The following RAB41 variants were observed in gnomAD, a reference collection of about 807,000 sequenced individuals.
RAB41 encodes the protein ras-related protein Rab-41.
Under a neutral mutation model 19.0 loss-of-function variants are expected in RAB41, and 15 were observed. That is an observed-to-expected ratio of 0.79 (90% confidence interval 0.53 to 1.21). The LOEUF (loss-of-function observed/expected upper bound fraction) is 1.21. Among genes scored for constraint, RAB41 ranks in the 50% most tolerant of loss-of-function variants. The probability of loss-of-function intolerance (pLI) is 0.00; values close to 1 mark genes in which losing one functional copy is unlikely to be tolerated. For missense variants in RAB41, 177 were observed against 179.7 expected (o/e 0.99, Z 0.09); for synonymous variants, 73 against 64.7 (o/e 1.13, Z -0.62).
rs778378009 is a variant in RAB41 at position 70,284,310 on chromosome X, A to C, written c.594A>C (p.Ser198=). 2 of 1,203,358 alleles carry C rather than the reference A, an allele frequency of 1.7e-6. No homozygotes were observed. Among genetic ancestry groups the C allele is most frequent in the Non-Finnish European group, 2.2e-6 (2 of 893,128 alleles). Residue 198 remains serine (S), a synonymous_variant, in exon 7 of 8, where the codon TCA becomes TCC. Coordinates refer to ENST00000374473, the MANE Select transcript of RAB41 (RefSeq NM_001363807.1). ...VASALLSTRT[S]PPPKEGTVEI... Reference sequence around the variant, plus strand: ...CTGCCCTTCTTTCCACAAGGACTTCACCTCCACCAAAAGAGGGGAGTATCC... The same window carrying C: ...CTGCCCTTCTTTCCACAAGGACTTCCCCTCCACCAAAAGAGGGGAGTATCC...
chrX:70,284,406 T>C (rs1390508822), intron 7 of RAB41, 77 bp downstream of exon 7: 2 of 1,077,299 alleles, frequency 1.9e-6, no homozygotes, highest in African/African-American at 1.8e-5. Flanking sequence ...AGTTGATGCC[T>C]GAGTGGTACC....
Position 70,284,612 on chromosome X carries a change from T to C in RAB41, c.638T>C (p.Phe213Ser). Residue 213 changes from phenylalanine to serine, a missense_variant, in exon 8 of 8, where the codon TTC becomes TCC. Phe to Ser is a radical substitution (Grantham distance 155). Coordinates refer to ENST00000374473, the MANE Select transcript of RAB41 (RefSeq NM_001363807.1). ...EGTVEIELES[F>S]EESGNRSYC ...GCGGTTGAAATCGAACTGGAATCCTTCGAGGAGTCAGGCAACAGAAGCTAT... is the reference window on the plus strand; with the variant it reads ...GCGGTTGAAATCGAACTGGAATCCTCCGAGGAGTCAGGCAACAGAAGCTAT... 8.3e-7 allele frequency: 1 copy of C among 1,209,917 alleles called. No homozygotes were observed. The highest frequency in any genetic ancestry group is 1.1e-6 in the Non-Finnish European group (1 of 893,896).
chrX:70,284,701 C>A lies in RAB41; in HGVS notation c.*58C>A. 1 of 949,074 alleles carries A rather than the reference C, an allele frequency of 1.1e-6. No individual in the cohort carries two copies. The highest frequency in any genetic ancestry group is 1.5e-6 in the Non-Finnish European group (1 of 657,399). 78.2% of individuals were successfully genotyped at this position (949,074 alleles called of 1,213,427 possible). ...TTTCTTACATTTGGGCTTGCCATACCAGTTCTCCTCCCCACCTCGTTTTAT... is the reference window on the plus strand; with the variant it reads ...TTTCTTACATTTGGGCTTGCCATACAAGTTCTCCTCCCCACCTCGTTTTAT... On this transcript the variant is annotated 3_prime_UTR_variant, in exon 8 of 8. Coordinates refer to ENST00000374473, the MANE Select transcript of RAB41 (RefSeq NM_001363807.1).
At position 70,283,335 on chromosome X, in the gene RAB41, G is replaced by A. The variant is rs192757082; in HGVS notation, c.305G>A (p.Arg102His). The change falls in exon 4 of 8, where the codon CGT becomes CAT. Residue 102 changes from arginine (R) to histidine (H), a missense_variant. By Grantham distance (29) the Arg-to-His change is conservative (BLOSUM62 0). Coordinates refer to ENST00000374473, the MANE Select transcript of RAB41 (RefSeq NM_001363807.1). Reference sequence around the variant, plus strand: ...CACAGCCTAATTCCTAGCTACATTCGTGATTCAACTATTGCAGTGGTTGTC... The same window carrying A: ...CACAGCCTAATTCCTAGCTACATTCATGATTCAACTATTGCAGTGGTTGTC... Reference protein sequence around the residue: ...RFHSLIPSYIRDSTIAVVVYD... With the variant: ...RFHSLIPSYIHDSTIAVVVYD... The A allele has an allele frequency of 1.4e-5, 17 of 1,208,487 alleles. No homozygotes were observed. The highest frequency in any genetic ancestry group is 2.3e-4 in the Middle Eastern group (1 of 4,349).
At chrX:70,284,180 AG>A (rs1253002822) in intron 6 of RAB41, 85 bp from the exon 7 acceptor site, 3 of 1,078,652 alleles carry the variant, frequency 2.8e-6, no homozygotes, top group African/African-American at 3.8e-5. Context: ...TGTATCTCAA[AG>A]GCCCTGAATT....
At position 70,283,968 on chromosome X, in the gene RAB41, G is replaced by A; in HGVS notation, c.474G>A (p.Gln158=). 8.3e-7 allele frequency: 1 copy of A among 1,206,388 alleles called. No individual in the cohort carries two copies. Among genetic ancestry groups the A allele is most frequent in the Non-Finnish European group, 1.1e-6 (1 of 890,694 alleles). ...LDNKRQVTAE[Q]GEEKSRNLNV... ...CGTCCAGACAAGTCACTGCAGAACA[G>A]GGTGAAGAAAAATCCAGAAACCTCA... Residue 158 remains glutamine (Q), a synonymous_variant, in exon 6 of 8, where the codon CAG becomes CAA. Transcript: ENST00000374473.
chrX:70,283,241 A>G (rs1272862968), intron 3 of RAB41, 27 bp from the exon 4 acceptor site: 14 of 1,161,464 alleles, frequency 1.2e-5, no homozygotes, highest in Non-Finnish European at 1.6e-5. Flanking sequence ...CCTTTCCCCC[A>G]TCTTCTTCCT....
chrX:70,284,882 A>G lies in RAB41; in HGVS notation c.*239A>G, dbSNP rs2085709986. ...TCTACCTTACCTTCTCCGACAGCTAAAAGACATCTGTAGAGAATACAGTTC... is the reference window on the plus strand; with the variant it reads ...TCTACCTTACCTTCTCCGACAGCTAGAAGACATCTGTAGAGAATACAGTTC... On this transcript the variant is annotated 3_prime_UTR_variant, in exon 8 of 8. Transcript: ENST00000374473. 1 of 417,783 alleles carries G rather than the reference A, an allele frequency of 2.4e-6. No homozygotes were observed. 34.4% of individuals were successfully genotyped at this position (417,783 alleles called of 1,213,427 possible).
chrX:70,282,210 C>T lies in RAB41; in HGVS notation c.-8C>T, dbSNP rs2085690310. 1.7e-6 allele frequency: 2 copies of T among 1,211,957 alleles called. No homozygotes were observed. The highest frequency in any genetic ancestry group is 5.9e-5 in the East Asian group (2 of 33,842). On this transcript the variant is annotated 5_prime_UTR_variant, in exon 1 of 8. Transcript: ENST00000374473. ...GGAAGCCATTTTGGCTGCAACCTAC[C>T]TGAAGCGATGTCTGCCTTTGGTCAC... is the stretch of plus-strand genomic sequence containing the variant.
chrX:70,282,848 A>C lies in RAB41; in HGVS notation c.230A>C (p.Asp77Ala). 8.3e-7 allele frequency: 1 copy of C among 1,204,505 alleles called. No homozygotes were observed. The highest frequency in any genetic ancestry group is 1.8e-5 in the South Asian group (1 of 56,798). ...TTGTCTAAGACCATGTACTTGGAGG[A>C]CCAAATAGTGAGTGTTAACTCTCAT... ...DFLSKTMYLE[D>A]QIVQLQLWDT... is the part of the protein sequence containing the mutation. Residue 77 changes from aspartate to alanine, a missense_variant, in exon 3 of 8, where the codon GAC becomes GCC. By Grantham distance (126) the Asp-to-Ala change is moderately radical (BLOSUM62 -2). Transcript: ENST00000374473.
chrX:70,282,592 G>GTA lies in RAB41; in HGVS notation c.183+2_183+3dup, dbSNP rs2085694189. ...CAACAGCTTCGGCTGCGCCTGCCAGGTAAGACCACCACCGAGTCATATGGT... is the reference window on the plus strand; with the variant it reads ...CAACAGCTTCGGCTGCGCCTGCCAGGTATAAGACCACCACCGAGTCATATGGT... On this transcript the variant is annotated splice_donor_variant, in intron 2 of 7. Coordinates refer to ENST00000374473, the MANE Select transcript of RAB41 (RefSeq NM_001363807.1). LOFTEE classifies it high-confidence loss of function. 8.3e-7 allele frequency: 1 copy of GTA among 1,204,898 alleles called. No homozygotes were observed. Among genetic ancestry groups the GTA allele is most frequent in the Admixed American group, 2.2e-5 (1 of 45,695 alleles).
Position 70,284,330 on chromosome X carries a change from G to A in RAB41, c.613+1G>A. 8.3e-7 allele frequency: 1 copy of A among 1,207,608 alleles called. No homozygotes were observed. ...ACTTCACCTCCACCAAAAGAGGGGAGTATCCTTTTTCCTAGCTTTGCTGGG... is the reference window on the plus strand; with the variant it reads ...ACTTCACCTCCACCAAAAGAGGGGAATATCCTTTTTCCTAGCTTTGCTGGG... On this transcript the variant is annotated splice_donor_variant, in intron 7 of 7. Transcript: ENST00000374473. LOFTEE classifies it high-confidence loss of function.
chrX:70,284,449 G>A (rs2085707171), intron 7 of RAB41, 120 bp downstream of exon 7: 8 of 948,719 alleles, frequency 8.4e-6, no homozygotes, highest in Non-Finnish European at 1.2e-5. Context: ...TTAGCCCAAA[G>A]TAGTTCCTTC....
chrX:70,284,236 T>C, intron 6 of RAB41, 30 bp from the exon 7 acceptor site: 1 of 1,191,538 alleles, frequency 8.4e-7, no homozygotes, highest in Non-Finnish European at 1.1e-6. Context: ...CCTTTTTTTT[T>C]TTTTGGTCCC....
intron 3 of RAB41, 133 bp downstream of exon 3, chrX:70,282,988 C>A: frequency 1.8e-6 from 1 of 548,738 alleles, no homozygotes; most frequent in Non-Finnish European, 3.1e-6. Flanking sequence ...CTTGTTCTGT[C>A]TGCCTTCATC....
chrX:70,282,945 A>G, intron 3 of RAB41, 90 bp downstream of exon 3: 1 of 746,454 alleles, frequency 1.3e-6, no homozygotes, highest in Non-Finnish European at 2.1e-6. Context: ...AAAAAACTGA[A>G]GCCTCTTCAA....
rs771167539 is a variant in RAB41 at position 70,282,793 on chromosome X, C to G, written c.184-9C>G. On this transcript the variant is annotated splice_polypyrimidine_tract_variant and intron_variant, in intron 2 of 7. Transcript: ENST00000374473. ...GGAATGCTGGAGTGTATCTGATTTT[C>G]TTTTGCAGGCAACTGTTGGAATTGA... The G allele has an allele frequency of 4.1e-6, 5 of 1,209,583 alleles. No individual in the cohort carries two copies. Among genetic ancestry groups the G allele is most frequent in the Non-Finnish European group, 5.6e-6 (5 of 893,445 alleles).
In RAB41 at chrX:70,283,984, A is replaced by G. The variant is rs111713621; in HGVS notation, c.490A>G (p.Arg164Gly). The stretch of plus-strand genomic sequence containing the variant: ...TGCAGAACAGGGTGAAGAAAAATCC[A>G]GAAACCTCAATGTGATGTTTATTGA... Reference protein sequence around the residue: ...VTAEQGEEKSRNLNVMFIETS... With the variant: ...VTAEQGEEKSGNLNVMFIETS... The change falls in exon 6 of 8, where the codon AGA becomes GGA. Residue 164 changes from arginine (R) to glycine (G), a missense_variant. Transcript: ENST00000374473. 4.1e-6 allele frequency: 5 copies of G among 1,207,661 alleles called. No individual in the cohort carries two copies. The Admixed American group carries it at 6.6e-5, about 16-fold the overall frequency.
At chrX:70,284,224 C>T in intron 6 of RAB41, 42 bp from the exon 7 acceptor site, 6 of 1,147,150 alleles carry the variant, frequency 5.2e-6, no homozygotes, top group Middle Eastern at 5.3e-4. Flanking sequence ...TTTTTTTTTT[C>T]CCCTTTTTTT....
Sources: gnomAD v4.1 joint callset for allele counts on GRCh38, gnomAD v4.1.1 for gene constraint, MANE v1.5 for transcripts, NCBI Gene and HGNC (gene_info 2026-07-23, HGNC 2026-07-21) for gene names.